The following LMNB2 variants were observed in gnomAD, a reference collection of about 807,000 sequenced individuals.
The protein encoded by LMNB2 is lamin-B2.
A neutral mutation model predicts 69.3 loss-of-function variants in LMNB2; 17 were observed. That is an observed-to-expected ratio of 0.25 (90% CI 0.17 to 0.37). The LOEUF (loss-of-function observed/expected upper bound fraction) is 0.37, where lower values mean the gene tolerates loss of function less well. Ranked by LOEUF, LMNB2 falls within the 10% of genes least tolerant of loss-of-function variation. The pLI is 1.00. For missense variants in LMNB2, 789 were observed against 883.6 expected, an observed-to-expected ratio of 0.89 and a Z score of 1.36; for synonymous variants, 397 against 389.3, an observed-to-expected ratio of 1.02 and a Z score of -0.23.
Position 2,434,074 on chromosome 19 carries a change from C to A in LMNB2, c.1234G>T (p.Val412Phe). 1 of 1,594,956 alleles carries A rather than the reference C, an allele frequency of 6.3e-7. No homozygotes were observed. The highest frequency in any genetic ancestry group is 8.5e-7 in the Non-Finnish European group (1 of 1,172,458). Residue 412 changes from valine to phenylalanine, a missense_variant, in exon 8 of 12, where the codon GTC (valine) becomes TTC (phenylalanine). Coordinates refer to ENST00000325327, the MANE Select transcript of LMNB2 (RefSeq NM_032737.4). ...LKLSPSPSSR[V>F]TVSRATSSSS... is the part of the protein sequence containing the mutation. ...CTCGAGGTGGCTCGTGAGACGGTGA[C>A]GCGCGAGGATGGGCTGGGGGACAGC...
chr19:2,441,314 G>C (rs1277348562), intron 2 of LMNB2, among the ~76,000 whole-genome samples: 1 of 152,224 alleles, frequency 6.6e-6, no homozygotes, highest in Non-Finnish European at 1.5e-5. Flanking sequence ...GTGTAGCCAG[G>C]GCTCTCCACA....
In LMNB2 at chr19:2,431,845, C is replaced by A. The variant is rs1429428333; in HGVS notation, c.1648G>T (p.Gly550Cys). The A allele has an allele frequency of 7.4e-6, 12 of 1,613,386 alleles. No homozygotes were observed. The highest frequency in any genetic ancestry group is 9.3e-6 in the Non-Finnish European group (11 of 1,179,940). ...TCGCCCGTGCCCCAGCTGCTCTGGC[C>A]CTTCCACACCAGCGTCGAGGGGGGG... ...HSPPSTLVWK[G>C]QSSWGTGESF... The change falls in exon 10 of 12, where the codon GGC becomes TGC. Residue 550 changes from glycine (G) to cysteine (C), a missense_variant. Coordinates refer to ENST00000325327, the MANE Select transcript of LMNB2 (RefSeq NM_032737.4).
At chr19:2,440,259 C>T (rs4807264) in intron 2 of LMNB2, among the ~76,000 whole-genome samples, 23,303 of 150,128 alleles carry the variant, frequency 0.16, 2,336 homozygotes, top group Admixed American at 0.31. Context: ...GGTGCGATCT[C>T]GGTTCACTGC....
intron 1 of LMNB2, among the ~76,000 whole-genome samples, chr19:2,456,170 G>C (rs1972085754): frequency 6.6e-6 from 1 of 151,036 alleles, no homozygotes; most frequent in Non-Finnish European, 1.5e-5. Context: ...AAACGCGGCG[G>C]AGATCCCCGA....
chr19:2,432,641 C>A (rs1971756678), intron 8 of LMNB2, 118 bp from the exon 9 acceptor site: 2 of 809,632 alleles, frequency 2.5e-6, no homozygotes, highest in Non-Finnish European at 4.3e-6. Flanking sequence ...TAGGTCACCC[C>A]ATTACCCCCA....
chr19:2,439,076 G>T (rs1484488861), intron 2 of LMNB2, among the ~76,000 whole-genome samples: 3 of 126,134 alleles, frequency 2.4e-5, no homozygotes, highest in African/African-American at 8.8e-5. Context: ...AAGAGACAGG[G>T]GTTCACTTGT....
At position 2,443,381 on chromosome 19, in the gene LMNB2, C is replaced by T. The variant is rs969356383; in HGVS notation, c.401+1023G>A. ...GGTCACCTGCAACCACGCATGGGGG[C>T]CCCGGCACTGTTGGACACAGGGTCC... On this transcript the variant is annotated intron_variant, in intron 2 of 11. Coordinates refer to ENST00000325327, the MANE Select transcript of LMNB2 (RefSeq NM_032737.4). The surrounding 1 kb of genome is among the most constrained non-coding windows in gnomAD (Gnocchi z 6.2). 6.6e-6 allele frequency among the ~76,000 whole-genome samples: 1 copy of T among 152,208 alleles called. No homozygotes were observed. The highest frequency in any genetic ancestry group is 6.5e-5 in the Admixed American group (1 of 15,282).
chr19:2,439,205 A>T (rs1017413084), intron 2 of LMNB2, among the ~76,000 whole-genome samples: 3 of 151,936 alleles, frequency 2.0e-5, no homozygotes, highest in Non-Finnish European at 4.4e-5. Context: ...GTTTTTAAGC[A>T]TAATTATAAG....
chr19:2,456,780 C>G lies in LMNB2; in HGVS notation c.154G>C (p.Glu52Gln), dbSNP rs756330565. ...SRLQEKEELR[E>Q]LNDRLAHYID... ...TAGTGCGCCAGGCGGTCGTTGAGCT[C>G]GCGCAGCTCCTCCTTCTCCTGCAGC... Residue 52 changes from glutamate to glutamine, a missense_variant, in exon 1 of 12, where the codon GAG (glutamate) becomes CAG (glutamine). Around this residue, in one of 3 missense-constraint regions of LMNB2, gnomAD observed 145 missense variants for 228.9 expected, o/e 0.63. Transcript: ENST00000325327. 1 of 1,538,338 alleles carries G rather than the reference C, an allele frequency of 6.5e-7. No individual in the cohort carries two copies. Among genetic ancestry groups the G allele is most frequent in the South Asian group, 1.2e-5 (1 of 84,538 alleles).
intron 2 of LMNB2, among the ~76,000 whole-genome samples, chr19:2,440,727 T>C (rs898424042): frequency 5.3e-5 from 8 of 151,470 alleles, no homozygotes; most frequent in East Asian, 1.9e-4. Flanking sequence ...TACTCATCCA[T>C]CCATCCATCC....
At chr19:2,449,409 C>T (rs1568208379) in intron 1 of LMNB2, among the ~76,000 whole-genome samples, 1 of 152,188 alleles carries the variant, frequency 6.6e-6, no homozygotes, top group East Asian at 1.9e-4. Flanking sequence ...ACAAGGTATC[C>T]CTGTCACTAA....
chr19:2,455,511 C>T (rs546696057), intron 1 of LMNB2, among the ~76,000 whole-genome samples: 2 of 152,106 alleles, frequency 1.3e-5, no homozygotes, highest in African/African-American at 4.8e-5. Context: ...CAGGACCTCT[C>T]TTTGGTGGGG....
In LMNB2 at chr19:2,453,046, G is replaced by C. The variant is rs1330295654; in HGVS notation, c.264+3624C>G. On this transcript the variant is annotated intron_variant, in intron 1 of 11. Transcript: ENST00000325327. This position sits in a 1 kb window ranked among gnomAD's most constrained non-coding sequence, Gnocchi z 4.4. ...TCCTCGTGGGGGCTGGGTCATCCTC[G>C]TGGGGGCTGGGTCATCCTCATGGGG... Among the ~76,000 whole-genome samples, 1 of 120,604 alleles carries C rather than the reference G, an allele frequency of 8.3e-6. No homozygotes were observed. The highest frequency in any genetic ancestry group is 3.0e-5 in the African/African-American group (1 of 32,970). The allele number at this position is 120,604 out of a possible 152,430, so 79.1% of individuals were successfully genotyped here. A position where few individuals can be genotyped will look rare whatever the true frequency, so the allele number is the denominator to read the frequency against.
At chr19:2,436,349 C>T (rs951035514) in intron 4 of LMNB2, among the ~76,000 whole-genome samples, 16 of 151,400 alleles carry the variant, frequency 1.1e-4, no homozygotes, top group African/African-American at 3.9e-4. Flanking sequence ...GAGGCTGGGC[C>T]CAGTGTGGGC....
At position 2,431,960 on chromosome 19, in the gene LMNB2, C is replaced by T. The variant is rs543271530; in HGVS notation, c.1591-58G>A. On this transcript the variant is annotated intron_variant, in intron 9 of 11. Coordinates refer to ENST00000325327, the MANE Select transcript of LMNB2 (RefSeq NM_032737.4). Reference sequence around the variant, plus strand: ...TCACCTCTGGTTCCAGGGACGTGGGCCAGCCAGTGGCCCCTACCACAAAGC... The same window carrying T: ...TCACCTCTGGTTCCAGGGACGTGGGTCAGCCAGTGGCCCCTACCACAAAGC... 5.8e-6 allele frequency: 9 copies of T among 1,562,004 alleles called. 1 individual carries two copies. The South Asian group carries it at 1.0e-4, about 18-fold the overall frequency.
intron 4 of LMNB2, among the ~76,000 whole-genome samples, chr19:2,436,039 C>T (rs1971818187): frequency 6.6e-6 from 1 of 152,144 alleles, no homozygotes; most frequent in Admixed American, 6.5e-5. Context: ...AATCCCAGCA[C>T]TTTGGGAGGC....
At chr19:2,432,333 C>CCCCCA in intron 9 of LMNB2, 83 bp downstream of exon 9, 3 of 906,294 alleles carry the variant, frequency 3.3e-6, no homozygotes, top group South Asian at 1.3e-5. Flanking sequence ...CACCCACCCC[C>CCCCCA]GCCAAGTCCT....
intron 10 of LMNB2, 21 bp downstream of exon 10, chr19:2,431,762 C>T (rs758739059): frequency 1.2e-6 from 2 of 1,613,814 alleles, no homozygotes; most frequent in Admixed American, 1.7e-5. Flanking sequence ...GCCGAGCACC[C>T]CCCAAGCCAC....
chr19:2,439,035 CTTTTTTTTTTTTTTTTTT>C (rs397945879), intron 2 of LMNB2, among the ~76,000 whole-genome samples: 3 of 65,712 alleles, frequency 4.6e-5, no homozygotes, highest in South Asian at 1.3e-3. Flanking sequence ...GGCACTTAAG[CTTTTTTTTTTTTTTTTTT>C]TTTTTTTTTT....
Sources: gnomAD v4.1 joint callset for allele counts (sites outside exome capture counted in the v4.1 genomes callset) on GRCh38, gnomAD v4.1.1 for gene constraint, gnomAD v4.1.1 regional missense constraint, Gnocchi (gnomAD v3.1) non-coding constraint, MANE v1.5 for transcripts, NCBI Gene and HGNC (gene_info 2026-07-23, HGNC 2026-07-21) for gene names.